The following ACTR8 variants were observed in gnomAD, a reference collection of about 807,000 sequenced individuals.
ACTR8 encodes actin related protein 8, also known as actin-related protein 8.
ACTR8 carries 70 observed loss-of-function variants against 84.3 expected under a neutral mutation model. The ratio of observed to expected loss-of-function variants is 0.83; its 90% CI spans 0.68 to 1.01. The LOEUF is 1.01. Among genes scored for constraint, ACTR8 ranks in the 50% least tolerant of loss-of-function variants. ACTR8 has a pLI of 0.00. For synonymous variants in ACTR8, 268 were observed against 275.2 expected, an observed-to-expected ratio of 0.97 and a Z score of 0.26; for missense variants, 672 against 775.4, an observed-to-expected ratio of 0.87 and a Z score of 1.58.
chr3:53,881,348 GTA>G (rs1700056865), intron 1 of ACTR8, among the ~76,000 whole-genome samples: 1 of 152,184 alleles, frequency 6.6e-6, no homozygotes, highest in Non-Finnish European at 1.5e-5. Context: ...AAGGTTTTGT[GTA>G]TGTGTATACA....
Position 53,871,369 on chromosome 3 carries a change from T to C in ACTR8, c.1430A>G (p.Gln477Arg). 2 of 1,614,244 alleles carry C rather than the reference T, an allele frequency of 1.2e-6. No individual in the cohort carries two copies. Among genetic ancestry groups the C allele is most frequent in the Non-Finnish European group, 1.7e-6 (2 of 1,180,036 alleles). Reference sequence around the variant, plus strand: ...GTTGCCGGCCATCAGGCCATCTCCCTGTGCAGACCCCAAATCTACCTCCTG... The same window carrying C: ...GTTGCCGGCCATCAGGCCATCTCCCCGTGCAGACCCCAAATCTACCTCCTG... ...HSQEVDLGSA[Q>R]GDGLMAGNDS... The change falls in exon 11 of 13, where the codon CAG (glutamine) becomes CGG (arginine). Residue 477 changes from glutamine (Q) to arginine (R), a missense_variant. By Grantham distance (43) the Gln-to-Arg change is conservative. Transcript: ENST00000335754.
the ACTR8 span, chr3:53,859,090 C>T: frequency 6.2e-6 from 2 of 321,408 alleles, no homozygotes; most frequent in African/African-American, 4.2e-5. Flanking sequence ...AATGGATGTT[C>T]TGAGTGCCAC....
chr3:53,864,959 A>C (rs1474836653), downstream of ACTR8: 25 of 1,614,092 alleles, frequency 1.5e-5, no homozygotes, highest in Non-Finnish European at 1.9e-5. Flanking sequence ...ACTCAAAAGA[A>C]GGCAGCAGAC....
At chr3:53,878,510 A>T in intron 2 of ACTR8, 43 bp from the exon 3 acceptor site, 1 of 1,192,934 alleles carries the variant, frequency 8.4e-7, no homozygotes, top group Non-Finnish European at 1.2e-6. Context: ...GGATTTAATG[A>T]GAAGACAAAG....
At position 53,870,488 on chromosome 3, in the gene ACTR8, TA is replaced by T. The variant is rs2107051440; in HGVS notation, c.1568-344del. 6.6e-6 allele frequency among the ~76,000 whole-genome samples: 1 copy of T among 152,108 alleles called. No individual in the cohort carries two copies. Among genetic ancestry groups the T allele is most frequent in the Admixed American group, 6.5e-5 (1 of 15,270 alleles). On this transcript the variant is annotated intron_variant, in intron 11 of 12. Transcript: ENST00000335754. This position sits in a 1 kb window ranked among gnomAD's most constrained non-coding sequence, Gnocchi z 4.1. ...CAACATAGTGAAACCCTGTCTCTAC[TA>T]AAAATACAAAAAGTAGCCGGGCATG...
chr3:53,877,870 T>C (rs973523287), intron 3 of ACTR8, 119 bp from the exon 4 acceptor site: 4 of 772,366 alleles, frequency 5.2e-6, no homozygotes, highest in Non-Finnish European at 8.3e-6. Context: ...TCACAAATAT[T>C]TGGCAAAATA....
intron 7 of ACTR8, among the ~76,000 whole-genome samples, chr3:53,875,674 G>C (rs1014259555): frequency 6.6e-6 from 1 of 152,214 alleles, no homozygotes; most frequent in Admixed American, 6.5e-5. Flanking sequence ...TACTGTTTAC[G>C]TTTCCCCTAT....
rs942669630 is a variant in ACTR8 at position 53,870,655 on chromosome 3, A to G, written c.1568-510T>C. 2.0e-5 allele frequency among the ~76,000 whole-genome samples: 3 copies of G among 152,090 alleles called. No individual in the cohort carries two copies. Among genetic ancestry groups the G allele is most frequent in the African/African-American group, 7.2e-5 (3 of 41,406 alleles). ...AATGGAGTGAGACTCTGAAAAATAA[A>G]TAAATAAAATCTTTAAAGGGACCCA... On this transcript the variant is annotated intron_variant, in intron 11 of 12. Coordinates refer to ENST00000335754, the MANE Select transcript of ACTR8 (RefSeq NM_022899.5). This position sits in a 1 kb window ranked among gnomAD's most constrained non-coding sequence, Gnocchi z 4.1.
chr3:53,869,904 C>T, intron 12 of ACTR8, 78 bp downstream of exon 12: 1 of 1,532,644 alleles, frequency 6.5e-7, no homozygotes, highest in South Asian at 1.2e-5. Flanking sequence ...AAGCCCATGC[C>T]TCCCAGGATT....
chr3:53,871,631 C>T, intron 10 of ACTR8, 135 bp from the exon 11 acceptor site: 1 of 999,748 alleles, frequency 1.0e-6, no homozygotes, highest in Non-Finnish European at 1.5e-6. Context: ...GCCCAGCACC[C>T]ATTCCCAGGT....
At chr3:53,865,423 A>G, downstream of ACTR8, 1 of 763,038 alleles carries the variant, frequency 1.3e-6, no homozygotes, top group Non-Finnish European at 2.0e-6. Context: ...TTAGTAATTA[A>G]AACATTTTAT....
Position 53,876,084 on chromosome 3 carries a change from G to C in ACTR8, c.779-4C>G, listed in dbSNP as rs181812150. 213 of 1,582,092 alleles carry C rather than the reference G, an allele frequency of 1.3e-4. No individual in the cohort carries two copies. Among genetic ancestry groups the C allele is most frequent in the Middle Eastern group, 8.3e-4 (5 of 6,000 alleles). ...GACTCCTGATGGACCACAATCCCTGGGGGGGGAAAAGAAAAGGCAGAGTAG... is the reference window on the plus strand; with the variant it reads ...GACTCCTGATGGACCACAATCCCTGCGGGGGGAAAAGAAAAGGCAGAGTAG... On this transcript the variant is annotated splice_polypyrimidine_tract_variant and splice_region_variant and intron_variant, in intron 6 of 12. Transcript: ENST00000335754.
rs1699866284 is a variant in ACTR8 at position 53,870,461 on chromosome 3, G to A, written c.1568-316C>T. Among the ~76,000 whole-genome samples the A allele has an allele frequency of 1.3e-5, 2 of 152,142 alleles. No individual in the cohort carries two copies. Among genetic ancestry groups the A allele is most frequent in the South Asian group, 4.1e-4 (2 of 4,820 alleles). ...AGGTCAGGAGTTCGAAACCAGCCTG[G>A]CCAACATAGTGAAACCCTGTCTCTA... On this transcript the variant is annotated intron_variant, in intron 11 of 12. Coordinates refer to ENST00000335754, the MANE Select transcript of ACTR8 (RefSeq NM_022899.5). The surrounding 1 kb of genome is among the most constrained non-coding windows in gnomAD (Gnocchi z 4.1).
rs576057144 is a variant in ACTR8 at position 53,881,171 on chromosome 3, G to A, written c.123+808C>T. Among the ~76,000 whole-genome samples, 16 of 152,312 alleles carry A rather than the reference G, an allele frequency of 1.1e-4. No individual in the cohort carries two copies. The South Asian group carries it at 3.1e-3, about 30-fold the overall frequency. ...TCATACTAGTGATAACTAACTAGTA[G>A]CTGCCCTACTAGTTAGGTATTATCC... On this transcript the variant is annotated intron_variant, in intron 1 of 12. Transcript: ENST00000335754.
rs1185803476 is a variant in ACTR8, at chr3:53,867,912, T to C, written c.*807A>G. 1.3e-5 allele frequency: 2 copies of C among 152,230 alleles called. No homozygotes were observed. The highest frequency in any genetic ancestry group is 2.4e-5 in the African/African-American group (1 of 41,462). 9.4% of individuals were successfully genotyped at this position (152,230 alleles called of 1,614,324 possible). A position where few individuals can be genotyped will look rare whatever the true frequency, so the allele number is the denominator to read the frequency against. On this transcript the variant is annotated 3_prime_UTR_variant, in exon 13 of 13. Coordinates refer to ENST00000335754, the MANE Select transcript of ACTR8 (RefSeq NM_022899.5). ...AATTGAGGCTTGATGACTAAGTTGG[T>C]AGTATTAATAACTACATCAGTCACC...
intron 6 of ACTR8, 46 bp from the exon 7 acceptor site, chr3:53,876,126 G>C (rs546304162): frequency 6.2e-7 from 1 of 1,606,216 alleles, no homozygotes; most frequent in Non-Finnish European, 8.5e-7. Flanking sequence ...GCTGTAGCAC[G>C]GTAAAGATCC....
chr3:53,874,438 T>C (rs1389859744), intron 7 of ACTR8, 74 bp from the exon 8 acceptor site: 1 of 1,493,326 alleles, frequency 6.7e-7, no homozygotes, highest in Non-Finnish European at 9.0e-7. Context: ...AAGAAATCCA[T>C]TAATGGCTGG....
chr3:53,866,255 A>C (rs1426137696), downstream of ACTR8, among the ~76,000 whole-genome samples: 1 of 152,104 alleles, frequency 6.6e-6, no homozygotes, highest in Non-Finnish European at 1.5e-5. Context: ...GTGATGGTGT[A>C]AGCCTGTGGT....
downstream of ACTR8, chr3:53,865,173 T>G: frequency 6.2e-7 from 1 of 1,614,166 alleles, no homozygotes; most frequent in South Asian, 1.1e-5. Context: ...ACGATTACAA[T>G]GCTCTCAGTG....
Sources: gnomAD v4.1 joint callset for allele counts (sites outside exome capture counted in the v4.1 genomes callset) on GRCh38, gnomAD v4.1.1 for gene constraint, Gnocchi (gnomAD v3.1) non-coding constraint, MANE v1.5 for transcripts, NCBI Gene and HGNC (gene_info 2026-07-23, HGNC 2026-07-21) for gene names.